The following FMN1 variants were observed in gnomAD, a reference collection of about 807,000 sequenced individuals.
FMN1 encodes formin-1.
Under a neutral mutation model 132.4 loss-of-function variants are expected in FMN1, and 110 were observed. That is an observed-to-expected ratio of 0.83 (90% CI 0.71 to 0.97). FMN1 has a LOEUF of 0.97. FMN1 is among the 50% of genes least tolerant of loss of function. FMN1 has a pLI of 0.00. For synonymous variants in FMN1, 722 were observed against 651.7 expected (o/e 1.11, Z -1.64); for missense variants, 1,792 against 1,705.3 (o/e 1.05, Z -0.90).
chr15:33,009,365 C>G (rs892370958), intron 6 of FMN1, among the ~76,000 whole-genome samples: 1 of 152,142 alleles, frequency 6.6e-6, no homozygotes, highest in Non-Finnish European at 1.5e-5. Flanking sequence ...ACCAGATCAT[C>G]TCATCCTTGG....
Position 32,776,852 on chromosome 15 carries a change from T to G in FMN1, c.4198A>C (p.Asn1400His), listed in dbSNP as rs759379117. The change falls in exon 20 of 21, where the codon AAT becomes CAT. Residue 1400 changes from asparagine to histidine, a missense_variant. Coordinates refer to ENST00000616417, the MANE Select transcript of FMN1 (RefSeq NM_001277313.2). ...TATCTCACCAGGCTAGCAGTGGGATTGATTTTCTTTGTCTCCACTTTCTTC... is the reference window on the plus strand; with the variant it reads ...TATCTCACCAGGCTAGCAGTGGGATGGATTTTCTTTGTCTCCACTTTCTTC... ...SEKKVETKKI[N>H]PTASLKERLR... 1 of 1,589,518 alleles carries G rather than the reference T, an allele frequency of 6.3e-7. No individual in the cohort carries two copies. Among genetic ancestry groups the G allele is most frequent in the South Asian group, 1.1e-5 (1 of 87,600 alleles).
chr15:33,164,859 T>G (rs991744350), intron 3 of FMN1, among the ~76,000 whole-genome samples: 3 of 152,206 alleles, frequency 2.0e-5, no homozygotes, highest in Admixed American at 6.5e-5. Flanking sequence ...GATACAGGCA[T>G]ATAGTGCATA....
chr15:33,023,258 G>A (rs1466196536), intron 6 of FMN1, among the ~76,000 whole-genome samples: 3 of 123,852 alleles, frequency 2.4e-5, no homozygotes, highest in African/African-American at 8.6e-5. Flanking sequence ...AGGGGAGGGG[G>A]AAACTTAAAA....
chr15:33,093,626 T>A (rs1209103439), intron 4 of FMN1, among the ~76,000 whole-genome samples: 1 of 152,218 alleles, frequency 6.6e-6, no homozygotes, highest in Non-Finnish European at 1.5e-5. Context: ...TAGATACAAT[T>A]CTGAGAAGGT....
At chr15:32,917,581 G>A (rs751461295) in intron 10 of FMN1, among the ~76,000 whole-genome samples, 21 of 152,128 alleles carry the variant, frequency 1.4e-4, no homozygotes, top group Non-Finnish European at 2.2e-4. Flanking sequence ...AGGCGGGTGC[G>A]TTTGTTGTTT....
At chr15:33,036,995 TA>T (rs1405804520) in intron 6 of FMN1, among the ~76,000 whole-genome samples, 1 of 152,274 alleles carries the variant, frequency 6.6e-6, no homozygotes, top group Non-Finnish European at 1.5e-5. Context: ...CTAAGACACT[TA>T]GCATTCTGCT....
chr15:33,127,216 A>G (rs1022925043), intron 4 of FMN1, among the ~76,000 whole-genome samples: 3 of 152,210 alleles, frequency 2.0e-5, no homozygotes, highest in African/African-American at 7.2e-5. Context: ...TATAATCTCA[A>G]GAAAAATCAA....
chr15:33,055,400 A>G (rs2037170916), intron 6 of FMN1, among the ~76,000 whole-genome samples: 1 of 152,218 alleles, frequency 6.6e-6, no homozygotes, highest in African/African-American at 2.4e-5. Context: ...AATGTATAAA[A>G]GCAAGCTGTA....
intron 4 of FMN1, among the ~76,000 whole-genome samples, chr15:33,125,318 G>T (rs964618227): frequency 2.0e-5 from 3 of 152,180 alleles, no homozygotes; most frequent in Admixed American, 6.5e-5. Flanking sequence ...AAGCCGTCAA[G>T]AAATGTTAGC....
intron 9 of FMN1, among the ~76,000 whole-genome samples, chr15:32,938,628 A>G (rs347913): frequency 0.72 from 109,955 of 152,116 alleles, 41,061 homozygotes; most frequent in African/African-American, 0.93. Flanking sequence ...CATAGGACTC[A>G]TAGAAATCAT....
intron 4 of FMN1, among the ~76,000 whole-genome samples, chr15:33,090,239 G>A (rs113620164): frequency 2.6e-5 from 4 of 152,294 alleles, no homozygotes; most frequent in African/African-American, 7.2e-5. Context: ...CCCTGTAAGA[G>A]TCTATTTGGC....
intron 6 of FMN1, among the ~76,000 whole-genome samples, chr15:33,060,338 G>T (rs1406723597): frequency 6.6e-6 from 1 of 152,194 alleles, no homozygotes; most frequent in Non-Finnish European, 1.5e-5. Context: ...GTAGTACAAG[G>T]TGTTTATAAC....
At chr15:33,018,278 T>C (rs1055942150) in intron 6 of FMN1, among the ~76,000 whole-genome samples, 1 of 152,086 alleles carries the variant, frequency 6.6e-6, no homozygotes, top group East Asian at 1.9e-4. Flanking sequence ...TGATGTCTTT[T>C]TTTTAATCTT....
intron 16 of FMN1, among the ~76,000 whole-genome samples, chr15:32,875,911 T>A (rs1457644827): frequency 6.6e-6 from 1 of 152,228 alleles, no homozygotes; most frequent in African/African-American, 2.4e-5. Context: ...ACCTGAGTTC[T>A]GTGCCTGGCT....
intron 4 of FMN1, among the ~76,000 whole-genome samples, chr15:33,134,624 G>A (rs555253120): frequency 4.4e-4 from 67 of 152,290 alleles, no homozygotes; most frequent in South Asian, 2.3e-3. Flanking sequence ...GGAGAGCACC[G>A]AAAGGAGAAG....
intron 12 of FMN1, among the ~76,000 whole-genome samples, chr15:32,903,075 T>G (rs376962133): frequency 2.0e-5 from 3 of 152,228 alleles, no homozygotes; most frequent in African/African-American, 7.2e-5. Context: ...TTATACACCC[T>G]GTGCTGCCTC....
At chr15:33,038,537 A>G (rs1343755588) in intron 6 of FMN1, among the ~76,000 whole-genome samples, 1 of 152,262 alleles carries the variant, frequency 6.6e-6, no homozygotes, top group East Asian at 1.9e-4. Context: ...ATGTCCTGTC[A>G]TCAAAAGAAT....
chr15:32,807,223 T>C (rs902467644), intron 17 of FMN1, among the ~76,000 whole-genome samples: 3 of 152,248 alleles, frequency 2.0e-5, no homozygotes, highest in Non-Finnish European at 4.4e-5. Context: ...ATGTAGTATA[T>C]TTCAACTAGT....
intron 4 of FMN1, among the ~76,000 whole-genome samples, chr15:33,103,085 G>T (rs939167767): frequency 2.6e-5 from 4 of 152,016 alleles, no homozygotes; most frequent in African/African-American, 7.2e-5. Context: ...GTGTTTAGTA[G>T]ATATATAATA....
Sources: allele counts gnomAD v4.1 joint callset (sites outside exome capture counted in the v4.1 genomes callset), GRCh38; gene constraint gnomAD v4.1.1; transcripts MANE v1.5; gene names NCBI Gene and HGNC (gene_info 2026-07-23, HGNC 2026-07-21).